The following CPEB3 variants were observed in gnomAD, a reference collection of about 807,000 sequenced individuals.
CPEB3 encodes cytoplasmic polyadenylation element-binding protein 3.
A neutral mutation model predicts 67.2 loss-of-function variants in CPEB3; 20 were observed. That is an observed-to-expected ratio of 0.30 (90% CI 0.21 to 0.43). The LOEUF (loss-of-function observed/expected upper bound fraction) is 0.43, where lower values mean the gene tolerates loss of function less well. Ranked by LOEUF, CPEB3 falls within the 20% of genes least tolerant of loss-of-function variation. The pLI is 1.00. For missense variants in CPEB3, 746 were observed against 968.6 expected, an observed-to-expected ratio of 0.77 and a Z score of 3.05; for synonymous variants, 376 against 393.1, an observed-to-expected ratio of 0.96 and a Z score of 0.51.
At chr10:92,146,642 G>A (rs936306728) in intron 4 of CPEB3, among the ~76,000 whole-genome samples, 5 of 152,140 alleles carry the variant, frequency 3.3e-5, no homozygotes, top group African/African-American at 1.2e-4. Flanking sequence ...AACCCAGGTA[G>A]TGTAAAAAAG....
At chr10:92,113,002 T>G (rs1328541511) in intron 6 of CPEB3, among the ~76,000 whole-genome samples, 2 of 152,164 alleles carry the variant, frequency 1.3e-5, no homozygotes, top group South Asian at 2.1e-4. Context: ...TTTAGCCTTT[T>G]CTCCAACTCC....
At chr10:92,186,969 T>C (rs1183453763) in intron 3 of CPEB3, among the ~76,000 whole-genome samples, 1 of 151,938 alleles carries the variant, frequency 6.6e-6, no homozygotes, top group Non-Finnish European at 1.5e-5. Context: ...AACACAAAAA[T>C]AGAACTGAGC....
chr10:92,146,645 T>C (rs1053386788), intron 4 of CPEB3, among the ~76,000 whole-genome samples: 2 of 152,180 alleles, frequency 1.3e-5, no homozygotes. Context: ...CCAGGTAGTG[T>C]AAAAAAGACA....
intron 2 of CPEB3, among the ~76,000 whole-genome samples, chr10:92,221,064 C>T (rs1850675884): frequency 6.6e-6 from 1 of 152,160 alleles, no homozygotes; most frequent in Non-Finnish European, 1.5e-5. Flanking sequence ...CATAACACCA[C>T]CAAATAAGTG....
At chr10:92,212,528 T>C (rs1485704747) in intron 2 of CPEB3, among the ~76,000 whole-genome samples, 1 of 152,042 alleles carries the variant, frequency 6.6e-6, no homozygotes, top group Non-Finnish European at 1.5e-5. Flanking sequence ...GGATTACAGG[T>C]GTGAGCCACT....
intron 1 of CPEB3, among the ~76,000 whole-genome samples, chr10:92,284,272 C>T (rs919422373): frequency 4.0e-5 from 6 of 148,692 alleles, no homozygotes; most frequent in Non-Finnish European, 7.4e-5. Context: ...CTCTTGACCT[C>T]GTCATCCGCC....
intron 1 of CPEB3, among the ~76,000 whole-genome samples, chr10:92,247,777 G>C (rs1017485057): frequency 6.6e-6 from 1 of 152,134 alleles, no homozygotes; most frequent in African/African-American, 2.4e-5. Context: ...CTTCCCAAAG[G>C]CTGGGATTAC....
chr10:92,170,667 AAGGG>A lies in CPEB3; in HGVS notation c.1222+10292_1222+10295del, dbSNP rs1279068809. Among the ~76,000 whole-genome samples, 5 of 152,064 alleles carry A rather than the reference AAGGG, an allele frequency of 3.3e-5. No individual in the cohort carries two copies. The East Asian group carries it at 5.8e-4, about 18-fold the overall frequency. On this transcript the variant is annotated intron_variant, in intron 4 of 9. Transcript: ENST00000265997. ...AGAAAGATGGAGAATGAAAGGAAGG[AAGGG>A]AGGGAGGGAGAGAGGAAGAAAGAGA...
intron 2 of CPEB3, among the ~76,000 whole-genome samples, chr10:92,223,320 T>C (rs1282658979): frequency 6.6e-6 from 1 of 152,178 alleles, no homozygotes; most frequent in East Asian, 1.9e-4. Flanking sequence ...GGGTAAGAAA[T>C]GTCAAATCAC....
At chr10:92,076,089 T>C (rs1320952900) in intron 9 of CPEB3, among the ~76,000 whole-genome samples, 1 of 152,220 alleles carries the variant, frequency 6.6e-6, no homozygotes, top group African/African-American at 2.4e-5. Context: ...CCTTAAGGGA[T>C]AAGGGCTGCA....
At chr10:92,085,831 A>G (rs2133251851) in intron 8 of CPEB3, among the ~76,000 whole-genome samples, 1 of 152,194 alleles carries the variant, frequency 6.6e-6, no homozygotes, top group Non-Finnish European at 1.5e-5. Flanking sequence ...GCTGGTCTTG[A>G]ACTCCTGACA....
chr10:92,117,159 G>A (rs1205129281), intron 6 of CPEB3, among the ~76,000 whole-genome samples: 1 of 151,258 alleles, frequency 6.6e-6, no homozygotes, highest in Non-Finnish European at 1.5e-5. Context: ...AAGTAGCTGG[G>A]ATTACAGGTG....
At position 92,072,727 on chromosome 10, in the gene CPEB3, AGAGTT is replaced by A. The variant is rs145904689; in HGVS notation, c.1869+8588_1869+8592del. Among the ~76,000 whole-genome samples, 33 of 152,352 alleles carry A rather than the reference AGAGTT, an allele frequency of 2.2e-4. No individual in the cohort carries two copies. In the East Asian group the frequency reaches 6.2e-3, roughly 29 times the overall value. ...CAATGGTTCTCTAGGAGGTGGGGAC[AGAGTT>A]GAGTATGGGATGTATCCCCCACTTA... On this transcript the variant is annotated intron_variant, in intron 9 of 9. Coordinates refer to ENST00000265997, the MANE Select transcript of CPEB3 (RefSeq NM_014912.5).
intron 2 of CPEB3, among the ~76,000 whole-genome samples, chr10:92,228,903 G>A (rs1202335061): frequency 1.3e-5 from 2 of 151,146 alleles, no homozygotes; most frequent in Admixed American, 6.6e-5. Context: ...TAGTAGAGAC[G>A]GGGTTTCATC....
intron 4 of CPEB3, among the ~76,000 whole-genome samples, chr10:92,177,469 G>A (rs1848273020): frequency 6.6e-6 from 1 of 152,110 alleles, no homozygotes; most frequent in South Asian, 2.1e-4. Flanking sequence ...TGTGCCTCTT[G>A]GGTTCCTCCA....
At chr10:92,203,935 TTAATA>T (rs1237407264) in intron 2 of CPEB3, among the ~76,000 whole-genome samples, 1 of 152,210 alleles carries the variant, frequency 6.6e-6, no homozygotes, top group Non-Finnish European at 1.5e-5. Flanking sequence ...AAAGATGTCT[TTAATA>T]TTTCTCCAGG....
chr10:92,252,086 T>C (rs916345201), intron 1 of CPEB3, among the ~76,000 whole-genome samples: 2 of 150,774 alleles, frequency 1.3e-5, no homozygotes, highest in African/African-American at 4.9e-5. Context: ...CCAGAATATA[T>C]AAAGGACTCC....
chr10:92,230,049 A>C (rs1437204024), intron 2 of CPEB3, among the ~76,000 whole-genome samples: 1 of 152,234 alleles, frequency 6.6e-6, no homozygotes, highest in East Asian at 1.9e-4. Flanking sequence ...TCCGTCTAAA[A>C]AAAAAAAAAG....
intron 3 of CPEB3, among the ~76,000 whole-genome samples, chr10:92,186,185 A>C (rs959305712): frequency 1.3e-5 from 2 of 149,264 alleles, no homozygotes; most frequent in African/African-American, 5.0e-5. Context: ...CAGCCTGAGC[A>C]ACATGGCGAA....
Sources: allele counts gnomAD v4.1 joint callset (sites outside exome capture counted in the v4.1 genomes callset), GRCh38; gene constraint gnomAD v4.1.1; transcripts MANE v1.5; gene names NCBI Gene and HGNC (gene_info 2026-07-23, HGNC 2026-07-21).